C1QTNF3: variants seen among roughly 807,000 people sequenced by gnomAD.
The protein encoded by C1QTNF3 is C1q and TNF related 3, also known as complement C1q tumor necrosis factor-related protein 3.
In C1QTNF3, 26 loss-of-function variants were observed where a neutral mutation model predicts 32.6. That is an observed-to-expected ratio of 0.80 (90% CI 0.58 to 1.11). The LOEUF is 1.11. Ranked by LOEUF, C1QTNF3 falls within the 50% of genes least tolerant of loss-of-function variation. The pLI, the probability that C1QTNF3 is intolerant of heterozygous loss-of-function variation, is 0.00. For synonymous variants in C1QTNF3, 155 were observed against 146.0 expected (o/e 1.06, Z -0.44); for missense variants, 362 against 398.2 (o/e 0.91, Z 0.77).
the C1QTNF3 span, among the ~76,000 whole-genome samples, chr5:34,236,294 G>A: frequency 7.2e-5 from 11 of 151,910 alleles, no homozygotes; most frequent in African/African-American, 1.7e-4. Context: ...GGGATGCTGA[G>A]GCAGGAGAAT....
At chr5:34,058,150 T>C in the C1QTNF3 span, among the ~76,000 whole-genome samples, 1 of 152,162 alleles carries the variant, frequency 6.6e-6, no homozygotes, top group Non-Finnish European at 1.5e-5. Flanking sequence ...GATGCTTCAA[T>C]AAGATTTATT....
the C1QTNF3 span, among the ~76,000 whole-genome samples, chr5:34,173,815 G>C: frequency 6.7e-6 from 1 of 148,902 alleles, no homozygotes; most frequent in African/African-American, 2.5e-5. Flanking sequence ...AACTACTGAA[G>C]TTAAAATGTT....
At chr5:34,130,890 T>TCC in the C1QTNF3 span, among the ~76,000 whole-genome samples, 3 of 152,202 alleles carry the variant, frequency 2.0e-5, no homozygotes, top group Non-Finnish European at 4.4e-5. Flanking sequence ...GAATTCTAGT[T>TCC]CCAAACCTGA....
chr5:34,113,864 A>G, the C1QTNF3 span, among the ~76,000 whole-genome samples: 341 of 152,284 alleles, frequency 2.2e-3, 1 homozygote, highest in Middle Eastern at 6.8e-3. Flanking sequence ...AGAGCATGCG[A>G]ATGCAAAAAC....
chr5:34,227,961 T>A, the C1QTNF3 span, among the ~76,000 whole-genome samples: 2 of 151,642 alleles, frequency 1.3e-5, no homozygotes, highest in African/African-American at 2.4e-5. Flanking sequence ...TTGTCTCTTG[T>A]TGGCATGGAG....
chr5:34,238,070 T>G, the C1QTNF3 span, among the ~76,000 whole-genome samples: 1 of 152,210 alleles, frequency 6.6e-6, no homozygotes, highest in South Asian at 2.1e-4. Flanking sequence ...CAAGAATTAC[T>G]CATACATAAA....
the C1QTNF3 span, among the ~76,000 whole-genome samples, chr5:34,084,789 GTTTTTTTTT>G: frequency 1.5e-5 from 1 of 68,762 alleles, no homozygotes; most frequent in Non-Finnish European, 2.9e-5. Context: ...GGTTTTTCTG[GTTTTTTTTT>G]TGTTTTTTTT....
chr5:34,115,788 C>T, the C1QTNF3 span, among the ~76,000 whole-genome samples: 9 of 151,026 alleles, frequency 6.0e-5, no homozygotes, highest in Admixed American at 1.3e-4. Context: ...GCCTTTTTCA[C>T]ACCCTATAAT....
intron 4 of C1QTNF3, among the ~76,000 whole-genome samples, chr5:34,027,797 C>A (rs1754505001): frequency 1.4e-5 from 2 of 143,572 alleles, no homozygotes; most frequent in Admixed American, 6.9e-5. Flanking sequence ...TAAGGGAATT[C>A]ATTAAATATA....
the C1QTNF3 span, among the ~76,000 whole-genome samples, chr5:34,160,176 G>C: frequency 1.3e-5 from 2 of 152,166 alleles, no homozygotes; most frequent in Non-Finnish European, 2.9e-5. Flanking sequence ...GACCAGGGCA[G>C]TGTAGTCCTA....
At chr5:34,060,408 A>G in the C1QTNF3 span, among the ~76,000 whole-genome samples, 1 of 152,236 alleles carries the variant, frequency 6.6e-6, no homozygotes, top group Non-Finnish European at 1.5e-5. Context: ...CAATTGTAAC[A>G]CAATGGTATT....
chr5:34,025,552 T>C (rs993986177), intron 4 of C1QTNF3, among the ~76,000 whole-genome samples: 1 of 152,338 alleles, frequency 6.6e-6, no homozygotes, highest in South Asian at 2.1e-4. Context: ...GTCTTTGTGT[T>C]GCTGTAATTT....
At chr5:34,045,527 TA>T (rs1754971879), upstream of C1QTNF3, among the ~76,000 whole-genome samples, 1 of 152,234 alleles carries the variant, frequency 6.6e-6, no homozygotes, top group Non-Finnish European at 1.5e-5. Context: ...AGCCAAGTAC[TA>T]CTTTGCTTTA....
chr5:34,142,521 A>T, the C1QTNF3 span, among the ~76,000 whole-genome samples: 1 of 152,030 alleles, frequency 6.6e-6, no homozygotes, highest in Non-Finnish European at 1.5e-5. Flanking sequence ...TGACCTGCTG[A>T]GGGGGTCACT....
the C1QTNF3 span, among the ~76,000 whole-genome samples, chr5:34,214,102 A>G: frequency 1.3e-5 from 2 of 151,378 alleles, no homozygotes; most frequent in Admixed American, 6.6e-5. Context: ...GAGTCACTGT[A>G]CCCAGTTTGT....
At chr5:34,113,488 T>C in the C1QTNF3 span, among the ~76,000 whole-genome samples, 5 of 152,060 alleles carry the variant, frequency 3.3e-5, no homozygotes, top group African/African-American at 1.2e-4. Context: ...CTATTGTCAC[T>C]CTACTGCAGA....
At chr5:34,029,027 T>C (rs903739537) in intron 3 of C1QTNF3, 144 bp from the exon 4 acceptor site, 1 of 600,492 alleles carries the variant, frequency 1.7e-6, no homozygotes. Context: ...AAATAAATTA[T>C]GGTAATTCCA....
the C1QTNF3 span, among the ~76,000 whole-genome samples, chr5:34,123,709 C>T: frequency 4.6e-5 from 7 of 151,456 alleles, no homozygotes; most frequent in African/African-American, 1.2e-4. Context: ...TTTGGCTTTG[C>T]CAAATTAATG....
chr5:34,177,202 T>C, the C1QTNF3 span, among the ~76,000 whole-genome samples: 5 of 152,162 alleles, frequency 3.3e-5, no homozygotes, highest in Non-Finnish European at 7.3e-5. Flanking sequence ...AAAATTTTTT[T>C]AAATTAAACC....
Sources: gnomAD v4.1 joint callset for allele counts (sites outside exome capture counted in the v4.1 genomes callset) on GRCh38, gnomAD v4.1.1 for gene constraint, MANE v1.5 for transcripts, NCBI Gene and HGNC (gene_info 2026-07-23, HGNC 2026-07-21) for gene names.